The following ADGRA3 variants were observed in gnomAD, a reference collection of about 807,000 sequenced individuals.
The protein encoded by ADGRA3 is adhesion G protein-coupled receptor A3, also known as G-protein coupled receptor 125.
In ADGRA3, 56 loss-of-function variants were observed where a neutral mutation model predicts 119.8. The ratio of observed to expected loss-of-function variants is 0.47; its 90% CI spans 0.38 to 0.58. The LOEUF (loss-of-function observed/expected upper bound fraction) is 0.58. ADGRA3 is among the 20% of genes least tolerant of loss of function. ADGRA3 has a pLI of 0.00. For missense variants in ADGRA3, 1,516 were observed against 1,649.0 expected (o/e 0.92, Z 1.40); for synonymous variants, 607 against 623.8 (o/e 0.97, Z 0.40).
intron 17 of ADGRA3, 28 bp downstream of exon 17, chr4:22,392,517 C>A: frequency 6.2e-7 from 1 of 1,607,116 alleles, no homozygotes; most frequent in Admixed American, 1.7e-5. Context: ...GCAAACAAAA[C>A]AATTAATACA....
At chr4:22,458,349 C>T (rs767378278) in intron 3 of ADGRA3, among the ~76,000 whole-genome samples, 2 of 152,176 alleles carry the variant, frequency 1.3e-5, no homozygotes, top group Non-Finnish European at 2.9e-5. Flanking sequence ...AGCCTGTTTA[C>T]GGTCATGCTC....
At chr4:22,411,494 G>A (rs1481726924) in intron 14 of ADGRA3, among the ~76,000 whole-genome samples, 1 of 152,110 alleles carries the variant, frequency 6.6e-6, no homozygotes, top group Non-Finnish European at 1.5e-5. Context: ...AGCTACTCAG[G>A]AGGATGAGGT....
At chr4:22,514,106 CATT>C (rs991147029) in intron 1 of ADGRA3, among the ~76,000 whole-genome samples, 70 of 152,218 alleles carry the variant, frequency 4.6e-4, no homozygotes, top group African/African-American at 1.5e-3. Context: ...AAATGTCACT[CATT>C]GACCCAAAAC....
chr4:22,489,747 G>C (rs1341760684), intron 1 of ADGRA3, among the ~76,000 whole-genome samples: 1 of 152,142 alleles, frequency 6.6e-6, no homozygotes, highest in Middle Eastern at 3.2e-3. Flanking sequence ...TTTGGTGAAT[G>C]GGGGAGAGTT....
At chr4:22,500,837 A>C (rs1577386391) in intron 1 of ADGRA3, among the ~76,000 whole-genome samples, 1 of 152,294 alleles carries the variant, frequency 6.6e-6, no homozygotes, top group East Asian at 1.9e-4. Context: ...GGAAGACCAA[A>C]GTAGACTGGT....
chr4:22,389,916 C>G (rs777520259), intron 17 of ADGRA3, among the ~76,000 whole-genome samples: 1 of 152,026 alleles, frequency 6.6e-6, no homozygotes, highest in African/African-American at 2.4e-5. Flanking sequence ...TGCGTTTGCT[C>G]CTTCCTGAGA....
rs1717964439 is a variant in ADGRA3, at chr4:22,474,411, T to TTTAA, written c.258-569_258-568insTTAA. ...AGCTGAATCATAATATATCTCATGC[T>TTTAA]TTTGGGCAATGTTTATCAAAATTAA... On this transcript the variant is annotated intron_variant, in intron 1 of 18. Coordinates refer to ENST00000334304, the MANE Select transcript of ADGRA3 (RefSeq NM_145290.4). Among the ~76,000 whole-genome samples, 7 of 152,342 alleles carry TTTAA rather than the reference T, an allele frequency of 4.6e-5. No individual in the cohort carries two copies. In the South Asian group the frequency reaches 8.3e-4, roughly 18 times the overall value.
At chr4:22,465,035 T>C (rs958623982) in intron 2 of ADGRA3, among the ~76,000 whole-genome samples, 4 of 152,104 alleles carry the variant, frequency 2.6e-5, no homozygotes, top group Non-Finnish European at 4.4e-5. Flanking sequence ...CTCTGCCCAC[T>C]CCATTCTGAG....
chr4:22,498,441 A>G (rs989602236), intron 1 of ADGRA3, among the ~76,000 whole-genome samples: 3 of 151,742 alleles, frequency 2.0e-5, no homozygotes, highest in Non-Finnish European at 4.4e-5. Flanking sequence ...CAACTTGGTG[A>G]AACCTCGTCT....
intron 10 of ADGRA3, among the ~76,000 whole-genome samples, chr4:22,432,087 T>C (rs1716199609): frequency 6.6e-6 from 1 of 152,038 alleles, no homozygotes; most frequent in South Asian, 2.1e-4. Flanking sequence ...TATTCTCCTA[T>C]CCTTTTGAAT....
Position 22,388,219 on chromosome 4 carries a change from A to G in ADGRA3, c.3452T>C (p.Ile1151Thr). ...TTCTAAAGGCGCCACGTGCATTTTA[A>G]TATCATTGTCCATTGAATGTTCTGT... is the stretch of plus-strand genomic sequence containing the variant. ...SLTEHSMDNDIKMHVAPLEVQ... is the reference protein window; with the variant it reads ...SLTEHSMDNDTKMHVAPLEVQ... The change falls in exon 19 of 19, where the codon ATT (isoleucine) becomes ACT (threonine). Residue 1151 changes from isoleucine to threonine, a missense_variant. Coordinates refer to ENST00000334304, the MANE Select transcript of ADGRA3 (RefSeq NM_145290.4). 1 of 1,614,086 alleles carries G rather than the reference A, an allele frequency of 6.2e-7. No homozygotes were observed. Among genetic ancestry groups the G allele is most frequent in the Non-Finnish European group, 8.5e-7 (1 of 1,179,988 alleles).
chr4:22,482,516 A>G (rs1718288875), intron 1 of ADGRA3, among the ~76,000 whole-genome samples: 1 of 150,988 alleles, frequency 6.6e-6, no homozygotes, highest in African/African-American at 2.4e-5. Context: ...AGTAAAGACA[A>G]CAGCCAGGCA....
At chr4:22,473,012 G>A (rs979139974) in intron 2 of ADGRA3, 1 of 152,102 alleles carries the variant, frequency 6.6e-6, no homozygotes, top group South Asian at 2.1e-4. Flanking sequence ...AGCAAAACTA[G>A]ACCTAATTGC....
chr4:22,457,053 T>C (rs1447704087), intron 3 of ADGRA3, among the ~76,000 whole-genome samples: 1 of 152,234 alleles, frequency 6.6e-6, no homozygotes, highest in Admixed American at 6.5e-5. Context: ...GTCTCAATTC[T>C]GAGCTTTAAG....
chr4:22,414,628 T>C (rs776811443), intron 12 of ADGRA3: 2 of 697,630 alleles, frequency 2.9e-6, no homozygotes, highest in African/African-American at 1.8e-5. Flanking sequence ...AATCGAATCA[T>C]GTTATTCCAG....
intron 17 of ADGRA3, among the ~76,000 whole-genome samples, chr4:22,389,500 A>G (rs1023094681): frequency 4.1e-5 from 6 of 145,666 alleles, no homozygotes; most frequent in South Asian, 2.2e-4. Context: ...ACTTACTCTT[A>G]CTTTTTTTTT....
At chr4:22,437,129 T>C (rs979386531) in intron 8 of ADGRA3, among the ~76,000 whole-genome samples, 1 of 152,208 alleles carries the variant, frequency 6.6e-6, no homozygotes, top group African/African-American at 2.4e-5. Context: ...TAGGATTATT[T>C]GATAAAAGAT....
intron 1 of ADGRA3, among the ~76,000 whole-genome samples, chr4:22,489,395 A>C (rs1718546580): frequency 6.6e-6 from 1 of 152,220 alleles, no homozygotes; most frequent in Non-Finnish European, 1.5e-5. Flanking sequence ...TTGGGTATAG[A>C]TCATGATGGT....
intron 1 of ADGRA3, among the ~76,000 whole-genome samples, chr4:22,476,448 A>T (rs1392333006): frequency 4.6e-5 from 7 of 152,226 alleles, no homozygotes; most frequent in Non-Finnish European, 7.3e-5. Flanking sequence ...ACAAAATTGT[A>T]TGCCTCCAAT....
Sources: gnomAD v4.1 joint callset for allele counts (sites outside exome capture counted in the v4.1 genomes callset) on GRCh38, gnomAD v4.1.1 for gene constraint, MANE v1.5 for transcripts, NCBI Gene and HGNC (gene_info 2026-07-23, HGNC 2026-07-21) for gene names.